ABLIM2: variants seen among roughly 807,000 people sequenced by gnomAD.
ABLIM2 encodes actin binding LIM protein family member 2.
In ABLIM2, 53 loss-of-function variants were observed where a neutral mutation model predicts 97.7. The observed-to-expected ratio is 0.54, with a 90% CI of 0.44 to 0.68. The LOEUF is 0.68. ABLIM2 is among the 30% of genes least tolerant of loss of function. The pLI is 0.00. For synonymous variants in ABLIM2, 361 were observed against 345.8 expected (o/e 1.04, Z -0.49); for missense variants, 835 against 867.2 (o/e 0.96, Z 0.47).
rs1234943338 is a variant in ABLIM2 at position 8,029,732 on chromosome 4, G to A, written c.1092C>T (p.Ser364=). Residue 364 remains serine (S), a synonymous_variant, in exon 11 of 21, where the codon AGC becomes AGT. Transcript: ENST00000447017. ...GGCTAACCGACCCAGTGGAGCTTGG[G>A]CTGGAGGTCCGACACTGCTTGTAGG... ...DRSYKQCRTS[S]PSSTGSVSLG... 1.9e-6 allele frequency: 3 copies of A among 1,558,420 alleles called. No homozygotes were observed. The highest frequency in any genetic ancestry group is 2.6e-6 in the Non-Finnish European group (3 of 1,151,262).
At position 8,068,170 on chromosome 4, in the gene ABLIM2, C is replaced by T. The variant is rs16841640; in HGVS notation, c.676-7116G>A. Among the ~76,000 whole-genome samples the T allele has an allele frequency of 0.028, 4,325 of 152,198 alleles. 200 individuals are homozygous for T. The highest frequency in any genetic ancestry group is 0.097 in the African/African-American group (4,040 of 41,506). The stretch of plus-strand genomic sequence containing the variant: ...CTCGGCCGCTGGTTGTTCCAGTGGG[C>T]GCACGGCTCCCCAGGCAGGCGGAAG... On this transcript the variant is annotated intron_variant, in intron 6 of 20. Coordinates refer to ENST00000447017, the MANE Select transcript of ABLIM2 (RefSeq NM_001130083.2). This position sits in a 1 kb window ranked among gnomAD's most constrained non-coding sequence, Gnocchi z 4.5.
intron 14 of ABLIM2, among the ~76,000 whole-genome samples, chr4:8,013,219 C>CTT (rs60424207): frequency 0.011 from 1,227 of 110,582 alleles, 11 homozygotes; most frequent in Non-Finnish European, 0.013. Context: ...AACATTTTTC[C>CTT]TTTTTTTTTT....
In ABLIM2 at chr4:8,148,369, C is replaced by T. The variant is rs1852164810; in HGVS notation, c.10+10311G>A. Among the ~76,000 whole-genome samples, 1 of 152,122 alleles carries T rather than the reference C, an allele frequency of 6.6e-6. No individual in the cohort carries two copies. Among genetic ancestry groups the T allele is most frequent in the Non-Finnish European group, 1.5e-5 (1 of 68,004 alleles). On this transcript the variant is annotated intron_variant, in intron 1 of 20. Coordinates refer to ENST00000447017, the MANE Select transcript of ABLIM2 (RefSeq NM_001130083.2). The surrounding 1 kb of genome is among the most constrained non-coding windows in gnomAD (Gnocchi z 6.7). ...ACTGGATTCCAGAGGGGGCTCTGGG[C>T]CTACAGTGAAGCAGGGCCCACAGGA... is the stretch of plus-strand genomic sequence containing the variant.
rs1810197605 is a variant in ABLIM2, at chr4:8,069,335, G to C, written c.676-8281C>G. ...GGACCAGAGAACTTGACTAAGTTTG[G>C]GAAAGGCTAGGGCAGAATCCCGCCT... On this transcript the variant is annotated intron_variant, in intron 6 of 20. Transcript: ENST00000447017. This position sits in a 1 kb window ranked among gnomAD's most constrained non-coding sequence, Gnocchi z 4.2. 6.6e-6 allele frequency among the ~76,000 whole-genome samples: 1 copy of C among 152,258 alleles called. No individual in the cohort carries two copies. Among genetic ancestry groups the C allele is most frequent in the African/African-American group, 2.4e-5 (1 of 41,478 alleles).
intron 1 of ABLIM2, among the ~76,000 whole-genome samples, chr4:8,141,082 G>T (rs1008952189): frequency 2.6e-5 from 4 of 152,064 alleles, no homozygotes; most frequent in Admixed American, 2.0e-4. Flanking sequence ...TCGCCATCCT[G>T]CAAGTCATCT....
Position 8,088,162 on chromosome 4 carries a change from C to T in ABLIM2, c.454+7G>A. The T allele has an allele frequency of 1.3e-6, 2 of 1,575,280 alleles. No individual in the cohort carries two copies. Among genetic ancestry groups the T allele is most frequent in the Non-Finnish European group, 8.6e-7 (1 of 1,157,000 alleles). On this transcript the variant is annotated splice_region_variant and intron_variant, in intron 4 of 20. Coordinates refer to ENST00000447017, the MANE Select transcript of ABLIM2 (RefSeq NM_001130083.2). Reference sequence around the variant, plus strand: ...ACTCAACATGCCCCCACTCAGCGCCCACTTACTTCGGAGGCCCTGGGACAG... The same window carrying T: ...ACTCAACATGCCCCCACTCAGCGCCTACTTACTTCGGAGGCCCTGGGACAG...
Position 8,083,242 on chromosome 4 carries a change from C to A in ABLIM2, c.455-2440G>T, listed in dbSNP as rs1373099638. Among the ~76,000 whole-genome samples, 1 of 152,182 alleles carries A rather than the reference C, an allele frequency of 6.6e-6. No individual in the cohort carries two copies. The highest frequency in any genetic ancestry group is 1.5e-5 in the Non-Finnish European group (1 of 68,032). On this transcript the variant is annotated intron_variant, in intron 4 of 20. Transcript: ENST00000447017. This position sits in a 1 kb window ranked among gnomAD's most constrained non-coding sequence, Gnocchi z 4.6. The stretch of plus-strand genomic sequence containing the variant: ...GCAGACAGCAGCGGTCAGATCCCAG[C>A]AATGCCCCCCACCGGCTGTGACCTG...
At position 8,123,550 on chromosome 4, in the gene ABLIM2, T is replaced by A. The variant is rs757618659; in HGVS notation, c.11-16913A>T. 6.6e-6 allele frequency among the ~76,000 whole-genome samples: 1 copy of A among 152,168 alleles called. No homozygotes were observed. The highest frequency in any genetic ancestry group is 1.5e-5 in the Non-Finnish European group (1 of 68,018). ...CGGCATGTCTAATTAAAACTGGTCG[T>A]CGGGATGGCTGGCCTGGAGCCCAGG... On this transcript the variant is annotated intron_variant, in intron 1 of 20. Transcript: ENST00000447017. The surrounding 1 kb of genome is among the most constrained non-coding windows in gnomAD (Gnocchi z 6.2).
In ABLIM2 at chr4:8,154,285, T is replaced by TC. The variant is rs201241408; in HGVS notation, c.10+4394_10+4395insG. On this transcript the variant is annotated intron_variant, in intron 1 of 20. Coordinates refer to ENST00000447017, the MANE Select transcript of ABLIM2 (RefSeq NM_001130083.2). ...CCACTTATTTTCTTTTCTTTTCTTT[T>TC]TTTTTTTTTTTTTTGGAGACAGAGT... 4.1e-4 allele frequency among the ~76,000 whole-genome samples: 20 copies of TC among 49,316 alleles called. 1 individual carries two copies. Among genetic ancestry groups the TC allele is most frequent in the Non-Finnish European group, 1.1e-3 (14 of 12,794 alleles). 32.4% of individuals were successfully genotyped at this position (49,316 alleles called of 152,430 possible). A position where few individuals can be genotyped will look rare whatever the true frequency, so the allele number is the denominator to read the frequency against.
intron 8 of ABLIM2, among the ~76,000 whole-genome samples, chr4:8,047,849 G>A (rs13137881): frequency 0.25 from 38,356 of 152,172 alleles, 5,022 homozygotes; most frequent in Middle Eastern, 0.3. Flanking sequence ...TTCAGCTCAA[G>A]GTGGGCTCAG....
At chr4:8,126,910 A>C (rs887603528) in intron 1 of ABLIM2, among the ~76,000 whole-genome samples, 2 of 152,090 alleles carry the variant, frequency 1.3e-5, no homozygotes, top group Non-Finnish European at 2.9e-5. Flanking sequence ...TACTAAAAAA[A>C]TTAAAAATTA....
chr4:8,111,972 C>T (rs890430681), intron 1 of ABLIM2, among the ~76,000 whole-genome samples: 1 of 151,466 alleles, frequency 6.6e-6, no homozygotes, highest in African/African-American at 2.4e-5. Context: ...ACCACAATTG[C>T]GGCAGGTTCA....
rs920852677 is a variant in ABLIM2, at chr4:7,992,370, G to A, written c.1680+496C>T. On this transcript the variant is annotated intron_variant, in intron 17 of 20. Transcript: ENST00000447017. The surrounding 1 kb of genome is among the most constrained non-coding windows in gnomAD (Gnocchi z 5.7). Reference sequence around the variant, plus strand: ...CTGACTTCAAGTTAATCCAATCTCCGTGCAGCCTCAAGTAACAGCCTTGGA... The same window carrying A: ...CTGACTTCAAGTTAATCCAATCTCCATGCAGCCTCAAGTAACAGCCTTGGA... 2.6e-5 allele frequency among the ~76,000 whole-genome samples: 4 copies of A among 152,246 alleles called. No individual in the cohort carries two copies. The highest frequency in any genetic ancestry group is 7.2e-5 in the African/African-American group (3 of 41,562).
At position 8,032,514 on chromosome 4, in the gene ABLIM2, A is replaced by G. The variant is rs1403529531; in HGVS notation, c.1048-2738T>C. 119 of 1,100,464 alleles carry G rather than the reference A, an allele frequency of 1.1e-4. 1 individual carries two copies. The Admixed American group carries it at 2.4e-3, about 22-fold the overall frequency. The allele number at this position is 1,100,464 out of a possible 1,614,324, so 68.2% of individuals were successfully genotyped here. On this transcript the variant is annotated intron_variant, in intron 10 of 20. Coordinates refer to ENST00000447017, the MANE Select transcript of ABLIM2 (RefSeq NM_001130083.2). The surrounding 1 kb of genome is among the most constrained non-coding windows in gnomAD (Gnocchi z 4.3). ...AGCCAGGAGGGTGCCCCATGTCACA[A>G]GGGCCGTGGCCCCGGGCCCCATGGT...
rs1461648583 is a variant in ABLIM2, at chr4:8,147,529, T to C, written c.10+11151A>G. ...TGCTATGGGCGGGCTCTGAGTGCAA[T>C]CTCAAGAGTCCTTATGGGGAGGAGG... On this transcript the variant is annotated intron_variant, in intron 1 of 20. Coordinates refer to ENST00000447017, the MANE Select transcript of ABLIM2 (RefSeq NM_001130083.2). The surrounding 1 kb of genome is among the most constrained non-coding windows in gnomAD (Gnocchi z 5.3). 6.6e-6 allele frequency among the ~76,000 whole-genome samples: 1 copy of C among 152,114 alleles called. No individual in the cohort carries two copies. Among genetic ancestry groups the C allele is most frequent in the African/African-American group, 2.4e-5 (1 of 41,424 alleles).
intron 12 of ABLIM2, among the ~76,000 whole-genome samples, chr4:8,026,102 G>T (rs1007075370): frequency 8.5e-5 from 13 of 152,176 alleles, no homozygotes; most frequent in African/African-American, 2.7e-4. Context: ...CAAACTGCTG[G>T]CCGAAGCAAT....
In ABLIM2 at chr4:8,107,828, A is replaced by T. The variant is rs894920195; in HGVS notation, c.11-1191T>A. ...ATGTGATCGTCTAGCTGAGCCCAACATCATCACGGGGGCCTTAAAATCAGA... is the reference window on the plus strand; with the variant it reads ...ATGTGATCGTCTAGCTGAGCCCAACTTCATCACGGGGGCCTTAAAATCAGA... On this transcript the variant is annotated intron_variant, in intron 1 of 20. Transcript: ENST00000447017. Among the ~76,000 whole-genome samples the T allele has an allele frequency of 3.6e-4, 55 of 152,292 alleles. 2 individuals are homozygous for T. Among genetic ancestry groups the T allele is most frequent in the Non-Finnish European group, 5.9e-5 (4 of 68,032 alleles).
At position 8,140,504 on chromosome 4, in the gene ABLIM2, A is replaced by G. The variant is rs140066831; in HGVS notation, c.10+18176T>C. On this transcript the variant is annotated intron_variant, in intron 1 of 20. Transcript: ENST00000447017. This position sits in a 1 kb window ranked among gnomAD's most constrained non-coding sequence, Gnocchi z 5.9. ...GCGGGGAGCATGGGGGAAAGGGGGC[A>G]GTGACACGGGGGCCTTGCCTGCATG... is the stretch of plus-strand genomic sequence containing the variant. Among the ~76,000 whole-genome samples the G allele has an allele frequency of 2.1e-3, 314 of 152,046 alleles. 1 individual carries two copies. Among genetic ancestry groups the G allele is most frequent in the African/African-American group, 7.1e-3 (293 of 41,482 alleles).
At chr4:8,084,139 C>T (rs951042716) in intron 4 of ABLIM2, among the ~76,000 whole-genome samples, 5 of 152,214 alleles carry the variant, frequency 3.3e-5, no homozygotes, top group East Asian at 3.8e-4. Flanking sequence ...TGAAAATCCA[C>T]GAACTTGGCT....
Sources: allele counts gnomAD v4.1 joint callset (sites outside exome capture counted in the v4.1 genomes callset), GRCh38; gene constraint gnomAD v4.1.1; non-coding constraint Gnocchi (gnomAD v3.1); transcripts MANE v1.5; gene names NCBI Gene and HGNC (gene_info 2026-07-23, HGNC 2026-07-21).